The following PCDH17 variants were observed in gnomAD, a reference collection of about 807,000 sequenced individuals.
PCDH17 encodes protocadherin 17, also known as protocadherin-17.
A neutral mutation model predicts 67.7 loss-of-function variants in PCDH17; 21 were observed. The observed-to-expected ratio is 0.31, with a 90% CI of 0.22 to 0.45. The LOEUF (loss-of-function observed/expected upper bound fraction) is 0.45. PCDH17 is among the 20% of genes least tolerant of loss of function. The probability of loss-of-function intolerance (pLI) is 1.00; values close to 1 mark genes in which losing one functional copy is unlikely to be tolerated. For synonymous variants in PCDH17, 701 were observed against 656.7 expected, an observed-to-expected ratio of 1.07 and a Z score of -1.03; for missense variants, 1,471 against 1,564.8, an observed-to-expected ratio of 0.94 and a Z score of 1.01.
At chr13:57,711,703 G>A (rs1050523752) in intron 3 of PCDH17, among the ~76,000 whole-genome samples, 5 of 151,254 alleles carry the variant, frequency 3.3e-5, no homozygotes, top group Non-Finnish European at 5.9e-5. Flanking sequence ...ATGTAATTTT[G>A]CATATATATT....
chr13:57,665,006 A>C (rs1484012619), intron 1 of PCDH17, among the ~76,000 whole-genome samples: 1 of 152,202 alleles, frequency 6.6e-6, no homozygotes, highest in Non-Finnish European at 1.5e-5. Context: ...AACTGCTAGT[A>C]AAAGACGGTT....
At chr13:57,659,722 G>A (rs1955159959) in intron 1 of PCDH17, among the ~76,000 whole-genome samples, 1 of 151,900 alleles carries the variant, frequency 6.6e-6, no homozygotes, top group Admixed American at 6.6e-5. Context: ...TACTTCTAAA[G>A]GTAGAAACAG....
chr13:57,719,162 A>T (rs976367344), intron 3 of PCDH17, among the ~76,000 whole-genome samples: 1 of 152,042 alleles, frequency 6.6e-6, no homozygotes, highest in Non-Finnish European at 1.5e-5. Flanking sequence ...ACGGGAACAA[A>T]TAAAAACTGG....
chr13:57,631,391 C>T (rs1593883752), upstream of PCDH17, among the ~76,000 whole-genome samples: 2 of 152,238 alleles, frequency 1.3e-5, no homozygotes, highest in Non-Finnish European at 2.9e-5. Context: ...TATTCGGCCT[C>T]CCCCCTCCTC....
intron 1 of PCDH17, among the ~76,000 whole-genome samples, chr13:57,638,631 G>A (rs1460602150): frequency 6.6e-6 from 1 of 151,984 alleles, no homozygotes; most frequent in African/African-American, 2.4e-5. Flanking sequence ...TTTATGCTAG[G>A]AAGATAAAAT....
At chr13:57,652,037 G>T (rs1955047327) in intron 1 of PCDH17, among the ~76,000 whole-genome samples, 1 of 152,036 alleles carries the variant, frequency 6.6e-6, no homozygotes, top group Admixed American at 6.5e-5. Context: ...CCAGCACTTT[G>T]GGAGGCTGAG....
rs1018413443 is a variant in PCDH17 at position 57,663,296 on chromosome 13, A to G, written c.2566-3172A>G. Among the ~76,000 whole-genome samples the G allele has an allele frequency of 5.3e-4, 81 of 152,150 alleles. 1 individual carries two copies. Among genetic ancestry groups the G allele is most frequent in the Non-Finnish European group, 1.5e-4 (10 of 67,996 alleles). On this transcript the variant is annotated intron_variant, in intron 1 of 3. Coordinates refer to ENST00000377918, the MANE Select transcript of PCDH17 (RefSeq NM_001040429.3). ...GATAAGGTTTTCAAGCATTGTAAATATTCGTGTTTAATTACTCTGCTGAGT... is the reference window on the plus strand; with the variant it reads ...GATAAGGTTTTCAAGCATTGTAAATGTTCGTGTTTAATTACTCTGCTGAGT...
chr13:57,699,114 G>A (rs951751183), intron 3 of PCDH17, among the ~76,000 whole-genome samples: 3 of 151,802 alleles, frequency 2.0e-5, no homozygotes, highest in Non-Finnish European at 4.4e-5. Context: ...ACCAGCCATG[G>A]TACATCTCGA....
chr13:57,686,492 C>G (rs1955509282), intron 3 of PCDH17, among the ~76,000 whole-genome samples: 1 of 151,880 alleles, frequency 6.6e-6, no homozygotes, highest in Non-Finnish European at 1.5e-5. Context: ...AAGATGATAT[C>G]AAAGGGGCCA....
At chr13:57,713,127 C>T (rs1401845037) in intron 3 of PCDH17, among the ~76,000 whole-genome samples, 1 of 151,630 alleles carries the variant, frequency 6.6e-6, no homozygotes. Context: ...GCCACATCTC[C>T]TCTCTTTTAA....
At chr13:57,693,315 C>T (rs1165499626) in intron 3 of PCDH17, among the ~76,000 whole-genome samples, 14 of 89,356 alleles carry the variant, frequency 1.6e-4, no homozygotes, top group African/African-American at 2.7e-4. Flanking sequence ...CACTTACATT[C>T]ATATATATAT....
At chr13:57,657,454 G>T (rs551677731) in intron 1 of PCDH17, among the ~76,000 whole-genome samples, 1 of 152,252 alleles carries the variant, frequency 6.6e-6, no homozygotes, top group East Asian at 1.9e-4. Flanking sequence ...ACAGCCATAG[G>T]TGCTGTCAGA....
intron 1 of PCDH17, among the ~76,000 whole-genome samples, chr13:57,663,048 T>A (rs1955203214): frequency 6.6e-6 from 1 of 152,106 alleles, no homozygotes; most frequent in African/African-American, 2.4e-5. Context: ...AAAAAGTGAT[T>A]TTTTTGTCTC....
At chr13:57,707,286 G>A (rs943102429) in intron 3 of PCDH17, among the ~76,000 whole-genome samples, 1 of 150,964 alleles carries the variant, frequency 6.6e-6, no homozygotes, top group Non-Finnish European at 1.5e-5. Flanking sequence ...CTATATATAC[G>A]TATGTCATAA....
chr13:57,728,065 A>G lies in PCDH17; in HGVS notation c.*2771A>G, dbSNP rs1679404773. Reference sequence around the variant, plus strand: ...TTTACTAGTGTTAGCTGTTTAACACATTATCTGTATTTAGTAGTGATTATT... The same window carrying G: ...TTTACTAGTGTTAGCTGTTTAACACGTTATCTGTATTTAGTAGTGATTATT... On this transcript the variant is annotated 3_prime_UTR_variant, in exon 4 of 4. Coordinates refer to ENST00000377918, the MANE Select transcript of PCDH17 (RefSeq NM_001040429.3). The G allele has an allele frequency of 6.6e-6, 1 of 152,542 alleles. No homozygotes were observed. Among genetic ancestry groups the G allele is most frequent in the South Asian group, 2.1e-4 (1 of 4,836 alleles). The allele number at this position is 152,542 out of a possible 1,614,324, so 9.4% of individuals were successfully genotyped here.
At chr13:57,667,637 A>T (rs1440394688) in intron 3 of PCDH17, among the ~76,000 whole-genome samples, 2 of 151,690 alleles carry the variant, frequency 1.3e-5, no homozygotes, top group Non-Finnish European at 2.9e-5. Context: ...GTATGTAAAT[A>T]TATTTAGACT....
At chr13:57,712,325 G>T (rs1706659279) in intron 3 of PCDH17, among the ~76,000 whole-genome samples, 1 of 151,618 alleles carries the variant, frequency 6.6e-6, no homozygotes, top group Non-Finnish European at 1.5e-5. Context: ...CAGAGACGTT[G>T]TGATCCCAAT....
intron 3 of PCDH17, among the ~76,000 whole-genome samples, chr13:57,715,166 T>C (rs1955807313): frequency 6.6e-6 from 1 of 151,862 alleles, no homozygotes; most frequent in Non-Finnish European, 1.5e-5. Flanking sequence ...CATCTGATAT[T>C]ACTGTAAACA....
chr13:57,632,821 G>T lies in PCDH17; in HGVS notation c.275G>T (p.Arg92Leu). The change falls in exon 1 of 4, where the codon CGC becomes CTC. Residue 92 changes from arginine to leucine, a missense_variant. Physicochemically the swap from Arg to Leu is moderately radical, Grantham distance 102 (BLOSUM62 -2). Coordinates refer to ENST00000377918, the MANE Select transcript of PCDH17 (RefSeq NM_001040429.3). ...CTCTACACCAAGCAGCGCATCGACC[G>T]CGAGTCCCTGTGCCGCCACAATGCC... ...GLLYTKQRID[R>L]ESLCRHNAKC... 6.2e-7 allele frequency: 1 copy of T among 1,613,696 alleles called. No individual in the cohort carries two copies. The highest frequency in any genetic ancestry group is 8.5e-7 in the Non-Finnish European group (1 of 1,180,006).
Sources: allele counts gnomAD v4.1 joint callset (sites outside exome capture counted in the v4.1 genomes callset), GRCh38; gene constraint gnomAD v4.1.1; transcripts MANE v1.5; gene names NCBI Gene and HGNC (gene_info 2026-07-23, HGNC 2026-07-21).